Variants in C6orf58 observed in about 807,000 individuals in gnomAD.
C6orf58 encodes chromosome 6 open reading frame 58.
Under a neutral mutation model 37.0 loss-of-function variants are expected in C6orf58, and 30 were observed. The observed-to-expected ratio is 0.81, with a 90% CI of 0.61 to 1.10. The LOEUF is 1.10. C6orf58 is among the 50% of genes least tolerant of loss of function. The pLI, the probability that C6orf58 is intolerant of heterozygous loss-of-function variation, is 0.00. For synonymous variants in C6orf58, 143 were observed against 134.1 expected (o/e 1.07, Z -0.46); for missense variants, 368 against 387.5 (o/e 0.95, Z 0.42).
At position 127,590,154 on chromosome 6, in the gene C6orf58, G is replaced by A; in HGVS notation, c.742G>A (p.Ala248Thr). 1 of 1,613,752 alleles carries A rather than the reference G, an allele frequency of 6.2e-7. No homozygotes were observed. The highest frequency in any genetic ancestry group is 1.1e-5 in the South Asian group (1 of 91,072). The change falls in exon 5 of 6, where the codon GCT (alanine) becomes ACT (threonine). Residue 248 changes from alanine to threonine, a missense_variant. Transcript: ENST00000329722. ...RSWVLAVDHL[A>T]AVLFPTTLIR... ...TTGGGTACTGGCTGTGGATCATTTA[G>A]CTGCAGTCCTCTTTCCTACAACCTT...
intron 4 of C6orf58, among the ~76,000 whole-genome samples, chr6:127,582,882 T>G (rs986148262): frequency 6.6e-5 from 10 of 152,186 alleles, no homozygotes; most frequent in Non-Finnish European, 1.5e-4. Flanking sequence ...TGGTTGGTTG[T>G]TAAATCCTCC....
chr6:127,586,034 A>G (rs931505466), intron 4 of C6orf58, among the ~76,000 whole-genome samples: 1 of 152,202 alleles, frequency 6.6e-6, no homozygotes, highest in African/African-American at 2.4e-5. Context: ...TTTCAATTAT[A>G]TATAATTAAG....
At chr6:127,584,495 T>A (rs1047776423) in intron 4 of C6orf58, among the ~76,000 whole-genome samples, 1 of 152,178 alleles carries the variant, frequency 6.6e-6, no homozygotes, top group Non-Finnish European at 1.5e-5. Flanking sequence ...GAATTTATAT[T>A]TTTTTAAATG....
intron 4 of C6orf58, among the ~76,000 whole-genome samples, chr6:127,588,856 A>C (rs1042893292): frequency 6.6e-6 from 1 of 152,106 alleles, no homozygotes; most frequent in African/African-American, 2.4e-5. Flanking sequence ...TTATGACTTC[A>C]TATTTCCTTT....
At chr6:127,578,955 A>G (rs1775019727) in intron 2 of C6orf58, among the ~76,000 whole-genome samples, 183 bp downstream of exon 2, 1 of 152,136 alleles carries the variant, frequency 6.6e-6, no homozygotes, top group Admixed American at 6.6e-5. Context: ...CACAATGTCA[A>G]TAATGATTCC....
At chr6:127,580,188 A>G (rs1775033718) in intron 2 of C6orf58, 77 bp from the exon 3 acceptor site, 1 of 1,136,422 alleles carries the variant, frequency 8.8e-7, no homozygotes, top group Non-Finnish European at 1.3e-6. Flanking sequence ...TTTTTTTATG[A>G]CTTATGCCTT....
In C6orf58 at chr6:127,580,409, C is replaced by T. The variant is rs746600754; in HGVS notation, c.533C>T (p.Ser178Phe). 1.2e-6 allele frequency: 2 copies of T among 1,612,928 alleles called. No individual in the cohort carries two copies. Among genetic ancestry groups the T allele is most frequent in the East Asian group, 4.5e-5 (2 of 44,838 alleles). Residue 178 changes from serine (S) to phenylalanine (F), a missense_variant, in exon 3 of 6, where the codon TCC becomes TTC. Physicochemically the swap from Ser to Phe is radical, Grantham distance 155 (BLOSUM62 -2). Coordinates refer to ENST00000329722, the MANE Select transcript of C6orf58 (RefSeq NM_001010905.3). Reference sequence around the variant, plus strand: ...TATGATGTTTCTAGCTGTCGTTCATCCTTCCCTGAGACAATGAACAAGTGG... The same window carrying T: ...TATGATGTTTCTAGCTGTCGTTCATTCTTCCCTGAGACAATGAACAAGTGG... ...FCYDVSSCRS[S>F]FPETMNKWNT...
In C6orf58 at chr6:127,580,300, G is replaced by A. The variant is rs201317295; in HGVS notation, c.424G>A (p.Ala142Thr). The part of the protein sequence containing the change: ...NYFLSSLPFL[A>T]AVDSGVMGIS... ...TTTTCTGTCTTCATTACCCTTTCTTGCTGCGGTTGATTCTGGTGTAATGGG... is the reference window on the plus strand; with the variant it reads ...TTTTCTGTCTTCATTACCCTTTCTTACTGCGGTTGATTCTGGTGTAATGGG... The change falls in exon 3 of 6, where the codon GCT becomes ACT. Residue 142 changes from alanine (A) to threonine (T), a missense_variant. By Grantham distance (58) the Ala-to-Thr change is moderately conservative (BLOSUM62 0). Coordinates refer to ENST00000329722, the MANE Select transcript of C6orf58 (RefSeq NM_001010905.3). The A allele has an allele frequency of 7.6e-5, 123 of 1,611,594 alleles. 1 individual carries two copies. The highest frequency in any genetic ancestry group is 8.5e-6 in the Non-Finnish European group (10 of 1,178,550).
In C6orf58 at chr6:127,580,253, T is replaced by C; in HGVS notation, c.389-12T>C. On this transcript the variant is annotated splice_polypyrimidine_tract_variant and intron_variant, in intron 2 of 5. Transcript: ENST00000329722. ...AGTGCTTGTAGTAATAGTAAATCTT[T>C]TGTTCTTACAGATTTGAATTATTTT... 2 of 1,600,080 alleles carry C rather than the reference T, an allele frequency of 1.2e-6. No individual in the cohort carries two copies. The highest frequency in any genetic ancestry group is 2.2e-5 in the South Asian group (2 of 89,780).
intron 4 of C6orf58, among the ~76,000 whole-genome samples, chr6:127,587,252 A>T (rs907347142): frequency 6.6e-6 from 1 of 152,164 alleles, no homozygotes; most frequent in African/African-American, 2.4e-5. Flanking sequence ...CATTTTTACT[A>T]AAAAACTCTT....
At chr6:127,584,340 T>C (rs976222898) in intron 4 of C6orf58, among the ~76,000 whole-genome samples, 4 of 152,330 alleles carry the variant, frequency 2.6e-5, no homozygotes, top group South Asian at 2.1e-4. Flanking sequence ...CATTTCAGAA[T>C]AGTCACTCCA....
In C6orf58 at chr6:127,590,074, G is replaced by T; in HGVS notation, c.675-13G>T. 1 of 1,570,336 alleles carries T rather than the reference G, an allele frequency of 6.4e-7. No individual in the cohort carries two copies. The highest frequency in any genetic ancestry group is 8.7e-7 in the Non-Finnish European group (1 of 1,144,394). On this transcript the variant is annotated splice_polypyrimidine_tract_variant and intron_variant, in intron 4 of 5. Transcript: ENST00000329722. ...ACTAATTATAATTAAATACTTTTCC[G>T]TTTGTCTTTTAGATATGATTATTAT...
At chr6:127,581,017 A>C (rs569725113) in intron 3 of C6orf58, among the ~76,000 whole-genome samples, 165 bp from the exon 4 acceptor site, 54 of 152,222 alleles carry the variant, frequency 3.5e-4, no homozygotes, top group African/African-American at 1.3e-3. Flanking sequence ...TTTTTGTGTT[A>C]TTTAAAGAGT....
intron 4 of C6orf58, among the ~76,000 whole-genome samples, chr6:127,586,819 G>T (rs1775112317): frequency 1.3e-5 from 2 of 152,156 alleles, no homozygotes. Flanking sequence ...CTGTTTCCAA[G>T]GTGGTGTTCC....
Position 127,581,173 on chromosome 6 carries a change from T to G in C6orf58, c.574-9T>G. ...TCAAATATTAATAAATTTGACCTCT[T>G]TACCTTAGTATTTGCAGTCACCTTT... On this transcript the variant is annotated splice_polypyrimidine_tract_variant and intron_variant, in intron 3 of 5. Transcript: ENST00000329722. 7.2e-7 allele frequency: 1 copy of G among 1,385,662 alleles called. No individual in the cohort carries two copies. The highest frequency in any genetic ancestry group is 9.8e-7 in the Non-Finnish European group (1 of 1,019,374). The allele number at this position is 1,385,662 out of a possible 1,614,324, so 85.8% of individuals were successfully genotyped here. A position where few individuals can be genotyped will look rare whatever the true frequency, so the allele number is the denominator to read the frequency against.
At chr6:127,588,605 C>A (rs760696659) in intron 4 of C6orf58, among the ~76,000 whole-genome samples, 1 of 152,168 alleles carries the variant, frequency 6.6e-6, no homozygotes, top group Non-Finnish European at 1.5e-5. Flanking sequence ...TTATGTGAAT[C>A]ATTTCAAGTG....
At chr6:127,580,168 G>A in intron 2 of C6orf58, 97 bp from the exon 3 acceptor site, 1 of 834,306 alleles carries the variant, frequency 1.2e-6, no homozygotes, top group Non-Finnish European at 1.9e-6. Context: ...AATGTTTCTG[G>A]GTCTGTGAAT....
At chr6:127,591,476 A>G (rs1156739874) in intron 5 of C6orf58, 67 bp from the exon 6 acceptor site, 2 of 1,353,350 alleles carry the variant, frequency 1.5e-6, no homozygotes, top group Non-Finnish European at 9.8e-7. Flanking sequence ...TATGAGCCAT[A>G]TATTGCCAAA....
chr6:127,579,924 C>T (rs1055432977), intron 2 of C6orf58, among the ~76,000 whole-genome samples: 3 of 151,862 alleles, frequency 2.0e-5, no homozygotes, highest in Non-Finnish European at 4.4e-5. Flanking sequence ...AGGTTTTGTA[C>T]CATTTTGTGG....
Sources: gnomAD v4.1 joint callset for allele counts (sites outside exome capture counted in the v4.1 genomes callset) on GRCh38, gnomAD v4.1.1 for gene constraint, MANE v1.5 for transcripts, NCBI Gene and HGNC (gene_info 2026-07-23, HGNC 2026-07-21) for gene names.